Variants in NAALADL2 observed in about 807,000 individuals in gnomAD.
NAALADL2 encodes the protein inactive N-acetylated-alpha-linked acidic dipeptidase-like protein 2.
In NAALADL2, 76 loss-of-function variants were observed where a neutral mutation model predicts 87.2. The observed-to-expected ratio is 0.87, with a 90% confidence interval of 0.72 to 1.05. The LOEUF is 1.05. Ranked by LOEUF, NAALADL2 falls within the 50% of genes least tolerant of loss-of-function variation. The pLI is 0.00. For synonymous variants in NAALADL2, 354 were observed against 331.0 expected, an observed-to-expected ratio of 1.07 and a Z score of -0.75; for missense variants, 1,089 against 945.8, an observed-to-expected ratio of 1.15 and a Z score of -1.99.
At chr3:174,906,131 T>C (rs909494270) in intron 1 of NAALADL2, among the ~76,000 whole-genome samples, 1 of 152,102 alleles carries the variant, frequency 6.6e-6, no homozygotes, top group African/African-American at 2.4e-5. Flanking sequence ...TTGTACATTA[T>C]ATTTCTCAAT....
rs191011199 is a variant in NAALADL2, at chr3:175,622,110, A to C, written c.1801-5181A>C. On this transcript the variant is annotated intron_variant, in intron 10 of 13. Transcript: ENST00000454872. ...ATACATTTATTTTATAAATTCTTGA[A>C]ATTTTCTGATATGTATTAACACTTA... Among the ~76,000 whole-genome samples, 118 of 152,294 alleles carry C rather than the reference A, an allele frequency of 7.7e-4. 3 individuals are homozygous for C. Among genetic ancestry groups the C allele is most frequent in the Admixed American group, 6.1e-3 (93 of 15,290 alleles).
chr3:175,266,620 C>A (rs894659274), intron 4 of NAALADL2, among the ~76,000 whole-genome samples: 2 of 151,622 alleles, frequency 1.3e-5, no homozygotes, highest in African/African-American at 4.8e-5. Context: ...ATAAAATACT[C>A]CTATTAAACT....
chr3:174,907,955 C>T (rs1188293026), intron 1 of NAALADL2, among the ~76,000 whole-genome samples: 6 of 148,998 alleles, frequency 4.0e-5, no homozygotes, highest in Admixed American at 3.4e-4. Context: ...GTATCAGTTG[C>T]TTTCCAGCAT....
At chr3:175,448,061 T>C (rs9985453) in intron 6 of NAALADL2, among the ~76,000 whole-genome samples, 129,608 of 152,262 alleles carry the variant, frequency 0.85, 55,251 homozygotes, top group East Asian at 0.96. Flanking sequence ...GACCTCTGGG[T>C]TCAATAGTCA....
rs1294618593 is a variant in NAALADL2, at chr3:175,236,686, G to A, written c.819+2482G>A. Among the ~76,000 whole-genome samples the A allele has an allele frequency of 2.6e-5, 4 of 152,140 alleles. No individual in the cohort carries two copies. In the East Asian group the frequency reaches 7.7e-4, roughly 29 times the overall value. ...GTGGTGGTGGAGGGAAGAAAGTCAGGGAGAAGGTCATTTGGAAGAATCTGT... is the reference window on the plus strand; with the variant it reads ...GTGGTGGTGGAGGGAAGAAAGTCAGAGAGAAGGTCATTTGGAAGAATCTGT... On this transcript the variant is annotated intron_variant, in intron 3 of 13. Transcript: ENST00000454872.
intron 9 of NAALADL2, among the ~76,000 whole-genome samples, chr3:175,514,470 T>C (rs1731581173): frequency 1.3e-5 from 2 of 152,230 alleles, no homozygotes. Flanking sequence ...GGGGACATTA[T>C]GTATGGTTAT....
chr3:175,223,761 A>G (rs1366382887), intron 2 of NAALADL2, among the ~76,000 whole-genome samples: 1 of 152,202 alleles, frequency 6.6e-6, no homozygotes, highest in Non-Finnish European at 1.5e-5. Flanking sequence ...AAGTCCAACC[A>G]TAAAATGAAG....
intron 3 of NAALADL2, among the ~76,000 whole-genome samples, chr3:174,833,333 C>T (rs1378997153): frequency 2.0e-5 from 3 of 152,056 alleles, no homozygotes; most frequent in Non-Finnish European, 4.4e-5. Context: ...TTCTGAAGGA[C>T]ACATACTATC....
In NAALADL2 at chr3:174,514,671, T is replaced by C. The variant is rs13069957; in HGVS notation, c.-183-35898T>C. Among the ~76,000 whole-genome samples the C allele has an allele frequency of 8.3e-3, 1,259 of 152,272 alleles. 6 individuals carry two copies. The highest frequency in any genetic ancestry group is 0.013 in the Non-Finnish European group (907 of 67,990). ...TTTTTTCATAGGAGTATATTTGCTTTTATGTTATTGTTTATTCTTTCCTCA... is the reference window on the plus strand; with the variant it reads ...TTTTTTCATAGGAGTATATTTGCTTCTATGTTATTGTTTATTCTTTCCTCA... On this transcript the variant is annotated intron_variant, in intron 1 of 3. Transcript: ENST00000434257.
intron 2 of NAALADL2, among the ~76,000 whole-genome samples, chr3:174,706,645 A>C (rs1202540325): frequency 6.6e-6 from 1 of 152,108 alleles, no homozygotes; most frequent in Non-Finnish European, 1.5e-5. Context: ...GTTTAATTAG[A>C]TCCCATTTGT....
intron 2 of NAALADL2, among the ~76,000 whole-genome samples, chr3:175,218,827 C>T (rs369087450): frequency 1.1e-4 from 16 of 151,048 alleles, no homozygotes; most frequent in Admixed American, 3.3e-4. Context: ...TTTTTTGAGA[C>T]GGAGTTTTGC....
chr3:175,257,951 G>T (rs1377369663), intron 4 of NAALADL2, among the ~76,000 whole-genome samples: 1 of 152,022 alleles, frequency 6.6e-6, no homozygotes, highest in Non-Finnish European at 1.5e-5. Context: ...ATTATCTTCA[G>T]ATTATAAATG....
chr3:174,995,871 T>G (rs1328846890), intron 1 of NAALADL2, among the ~76,000 whole-genome samples: 1 of 151,966 alleles, frequency 6.6e-6, no homozygotes, highest in Non-Finnish European at 1.5e-5. Context: ...ATTGAGTAAG[T>G]AAACCAGAAA....
At chr3:175,158,696 T>C (rs942911436) in intron 2 of NAALADL2, among the ~76,000 whole-genome samples, 6 of 152,056 alleles carry the variant, frequency 3.9e-5, no homozygotes, top group Non-Finnish European at 8.8e-5. Context: ...TAAATGTAAA[T>C]AGCAATTTTT....
intron 6 of NAALADL2, among the ~76,000 whole-genome samples, chr3:175,450,850 C>T (rs564329133): frequency 6.6e-6 from 1 of 152,254 alleles, no homozygotes; most frequent in East Asian, 1.9e-4. Flanking sequence ...ACTCAGTTTA[C>T]AAACTTTAAG....
chr3:174,608,356 C>T (rs1313469018), intron 2 of NAALADL2, among the ~76,000 whole-genome samples: 2 of 151,720 alleles, frequency 1.3e-5, no homozygotes, highest in Non-Finnish European at 2.9e-5. Flanking sequence ...AAAAACCCTT[C>T]AAAAAATTAA....
At chr3:175,766,625 C>T (rs568885296) in intron 13 of NAALADL2, among the ~76,000 whole-genome samples, 3 of 152,196 alleles carry the variant, frequency 2.0e-5, no homozygotes, top group African/African-American at 4.8e-5. Context: ...ATTTGTTTCT[C>T]TCTCCTTTAT....
In NAALADL2 at chr3:175,361,895, G is replaced by T. The variant is rs186505344; in HGVS notation, c.1090+37570G>T. ...AATTAGATCCCATTTGTCAATTTTG[G>T]CTTTTGTTGCCATTGCTTTTGGTGT... On this transcript the variant is annotated intron_variant, in intron 5 of 13. Coordinates refer to ENST00000454872, the MANE Select transcript of NAALADL2 (RefSeq NM_207015.3). Among the ~76,000 whole-genome samples, 496 of 147,908 alleles carry T rather than the reference G, an allele frequency of 3.4e-3. 19 individuals carry two copies. The highest frequency in any genetic ancestry group is 0.011 in the African/African-American group (462 of 40,802).
intron 5 of NAALADL2, among the ~76,000 whole-genome samples, chr3:175,338,610 AAAAAC>A (rs903919281): frequency 3.8e-5 from 4 of 105,514 alleles, no homozygotes; most frequent in Non-Finnish European, 4.0e-5. Context: ...AAAAAAAAAA[AAAAAC>A]ACCACAAACA....
Sources: gnomAD v4.1 joint callset for allele counts (sites outside exome capture counted in the v4.1 genomes callset) on GRCh38, gnomAD v4.1.1 for gene constraint, MANE v1.5 for transcripts, NCBI Gene and HGNC (gene_info 2026-07-23, HGNC 2026-07-21) for gene names.